Variants in OPHN1 observed in about 807,000 individuals in gnomAD.
OPHN1 encodes the protein oligophrenin-1.
In OPHN1, 11 loss-of-function variants were observed where a neutral mutation model predicts 60.7. That is an observed-to-expected ratio of 0.18 (90% CI 0.11 to 0.30). The LOEUF (loss-of-function observed/expected upper bound fraction) is 0.30, where lower values mean the gene tolerates loss of function less well. OPHN1 is among the 10% of genes least tolerant of loss of function. OPHN1 has a pLI of 1.00. For missense variants in OPHN1, 449 were observed against 611.0 expected (o/e 0.73, Z 2.80); for synonymous variants, 226 against 222.6 (o/e 1.02, Z -0.14).
In OPHN1 at chrX:68,191,534, G is replaced by A. The variant is rs754988571; in HGVS notation, c.1276+1385C>T. ...TAACTGGTATCAGACTTGCCTTCCT[G>A]CTGTAACAACTAGAAAACTGGACAG... is the stretch of plus-strand genomic sequence containing the variant. On this transcript the variant is annotated intron_variant, in intron 15 of 24. Coordinates refer to ENST00000355520, the MANE Select transcript of OPHN1 (RefSeq NM_002547.3). Among the ~76,000 whole-genome samples, 88 of 112,038 alleles carry A rather than the reference G, an allele frequency of 7.9e-4. No individual in the cohort carries two copies. In the Middle Eastern group the frequency reaches 0.018, roughly 23 times the overall value.
Position 68,064,163 on chromosome X carries a change from G to A in OPHN1, c.1849C>T (p.Gln617Ter). The change falls in exon 21 of 25, where the codon CAA (glutamine) becomes TAA (stop). Residue 617 changes from glutamine (Q) to a stop codon, truncating the protein, a stop_gained. Coordinates refer to ENST00000355520, the MANE Select transcript of OPHN1 (RefSeq NM_002547.3). LOFTEE classifies it high-confidence loss of function. ...CTGGTGATAGTACCATTCGGTGTTT[G>A]ATGTTGGATTTCATCTAGGAAAAGT... ...LDESEDEIQH[Q>*]TPNGTITSSI... 8.3e-7 allele frequency: 1 copy of A among 1,211,115 alleles called. No homozygotes were observed. The highest frequency in any genetic ancestry group is 1.8e-5 in the South Asian group (1 of 56,857).
intron 2 of OPHN1, among the ~76,000 whole-genome samples, chrX:68,333,297 C>G (rs55708667): frequency 0.081 from 8,735 of 108,348 alleles, 913 homozygotes; most frequent in African/African-American, 0.28. Flanking sequence ...ATGCAAATGT[C>G]ATATAATGTA....
rs377018400 is a variant in OPHN1, at chrX:68,067,670, G to A, written c.1835-3493C>T. On this transcript the variant is annotated intron_variant, in intron 20 of 24. Transcript: ENST00000355520. Reference sequence around the variant, plus strand: ...TGAGAAGGATCCAAACTAGAGCTGCGTCAGAAAAGAGAGGCAGATTCAAGA... The same window carrying A: ...TGAGAAGGATCCAAACTAGAGCTGCATCAGAAAAGAGAGGCAGATTCAAGA... Among the ~76,000 whole-genome samples the A allele has an allele frequency of 4.7e-4, 52 of 111,198 alleles. 1 individual carries two copies. The highest frequency in any genetic ancestry group is 1.6e-3 in the African/African-American group (49 of 30,570).
chrX:68,161,128 ATAACC>A (rs2077332534), intron 15 of OPHN1, among the ~76,000 whole-genome samples: 1 of 110,945 alleles, frequency 9.0e-6, no homozygotes, highest in Admixed American at 9.7e-5. Context: ...ACTCAATTAG[ATAACC>A]TAGATAATAT....
In OPHN1 at chrX:68,397,545, CAG is replaced by C. The variant is rs1183430431; in HGVS notation, c.154+35320_154+35321del. Among the ~76,000 whole-genome samples the C allele has an allele frequency of 1.5e-3, 106 of 71,296 alleles. 2 individuals carry two copies. The highest frequency in any genetic ancestry group is 5.5e-3 in the African/African-American group (104 of 18,810). The allele number at this position is 71,296 out of a possible 115,157, so 61.9% of individuals were successfully genotyped here. ...ATTTATTTTTTTTTTTTTTTTGAAA[CAG>C]AGTCTCACTCTGTTGCCCCAGTTGG... On this transcript the variant is annotated intron_variant, in intron 2 of 24. Coordinates refer to ENST00000355520, the MANE Select transcript of OPHN1 (RefSeq NM_002547.3).
At chrX:68,155,529 T>C (rs774469457) in intron 15 of OPHN1, among the ~76,000 whole-genome samples, 7 of 112,238 alleles carry the variant, frequency 6.2e-5, no homozygotes, top group Admixed American at 2.8e-4. Context: ...ACCCTAGCCA[T>C]GTGGATCTGT....
At position 68,205,973 on chromosome X, in the gene OPHN1, T is replaced by TGA. The variant is rs1261091804; in HGVS notation, c.933+599_933+600insTC. Among the ~76,000 whole-genome samples, 65 of 52,151 alleles carry TGA rather than the reference T, an allele frequency of 1.2e-3. 1 individual carries two copies. The highest frequency in any genetic ancestry group is 4.1e-3 in the African/African-American group (59 of 14,430). 45.3% of individuals were successfully genotyped at this position (52,151 alleles called of 115,157 possible). ...ATGTGTGTATCTGTGTGTGTGAGTGTGTGTGAGTGTGTGTGTGTGTGTGTG... is the reference window on the plus strand; with the variant it reads ...ATGTGTGTATCTGTGTGTGTGAGTGTGAGTGTGAGTGTGTGTGTGTGTGTGTG... On this transcript the variant is annotated intron_variant, in intron 10 of 24. Transcript: ENST00000355520.
At chrX:68,361,701 T>C (rs2078473769) in intron 2 of OPHN1, among the ~76,000 whole-genome samples, 1 of 111,213 alleles carries the variant, frequency 9.0e-6, no homozygotes, top group Non-Finnish European at 1.9e-5. Flanking sequence ...TATTGGCTAT[T>C]GTGAATGATG....
chrX:68,290,043 C>CT (rs1292754699), intron 3 of OPHN1, among the ~76,000 whole-genome samples: 124 of 106,816 alleles, frequency 1.2e-3, no homozygotes, highest in Non-Finnish European at 1.7e-3. Context: ...ATAATTGATT[C>CT]TTTTTTTTTT....
intron 9 of OPHN1, among the ~76,000 whole-genome samples, chrX:68,206,977 C>T (rs1027906957): frequency 1.8e-5 from 2 of 111,287 alleles, no homozygotes; most frequent in Non-Finnish European, 3.8e-5. Context: ...ATTTACTTTG[C>T]TGTCTCTATA....
intron 2 of OPHN1, among the ~76,000 whole-genome samples, chrX:68,424,863 C>T (rs1389234179): frequency 8.9e-6 from 1 of 111,996 alleles, no homozygotes; most frequent in Admixed American, 9.5e-5. Context: ...GGAATCTGGT[C>T]TTGTGAGGAA....
intron 5 of OPHN1, among the ~76,000 whole-genome samples, chrX:68,263,810 C>T (rs1007998569): frequency 3.5e-4 from 39 of 111,576 alleles, no homozygotes; most frequent in Non-Finnish European, 7.0e-4. Flanking sequence ...TTAGTAGTCA[C>T]ATTTCAAAAA....
At chrX:68,297,761 C>A (rs974282186) in intron 3 of OPHN1, among the ~76,000 whole-genome samples, 2 of 110,868 alleles carry the variant, frequency 1.8e-5, no homozygotes, top group African/African-American at 6.5e-5. Context: ...CAAGGCCATA[C>A]AAACCACCCA....
At chrX:68,402,854 GGAGATACCATCTTTCTCTCC>G (rs375144395) in intron 2 of OPHN1, among the ~76,000 whole-genome samples, 49 of 111,858 alleles carry the variant, frequency 4.4e-4, no homozygotes, top group African/African-American at 1.5e-3. Flanking sequence ...TAAACTCTAG[GGAGATACCATCTTTCTCTCC>G]GAGAAAAACA....
At chrX:68,146,240 ATGGC>A (rs1265632352) in intron 15 of OPHN1, among the ~76,000 whole-genome samples, 1 of 112,097 alleles carries the variant, frequency 8.9e-6, no homozygotes, top group Non-Finnish European at 1.9e-5. Context: ...TTTTTAAGAC[ATGGC>A]TGCCCTCTTT....
At chrX:68,123,969 C>A (rs2077159833) in intron 15 of OPHN1, among the ~76,000 whole-genome samples, 1 of 109,320 alleles carries the variant, frequency 9.1e-6, no homozygotes, top group Non-Finnish European at 1.9e-5. Context: ...AAAAATAGAT[C>A]AAATGACTCT....
intron 5 of OPHN1, among the ~76,000 whole-genome samples, chrX:68,269,857 T>A (rs1405620495): frequency 4.5e-5 from 5 of 111,409 alleles, no homozygotes; most frequent in African/African-American, 9.8e-5. Flanking sequence ...AGGGCTAATA[T>A]CCAGAATCTA....
At chrX:68,109,177 C>A (rs2077093862) in intron 18 of OPHN1, among the ~76,000 whole-genome samples, 4 of 111,037 alleles carry the variant, frequency 3.6e-5, no homozygotes, top group Admixed American at 1.9e-4. Context: ...ACTTCTCATA[C>A]CCCCACTTCC....
In OPHN1 at chrX:68,199,798, C is replaced by T. The variant is rs186997600; in HGVS notation, c.1025+1821G>A. Among the ~76,000 whole-genome samples the T allele has an allele frequency of 1.5e-4, 17 of 112,919 alleles. No homozygotes were observed. The East Asian group carries it at 3.3e-3, about 22-fold the overall frequency. Reference sequence around the variant, plus strand: ...GCATGGAGCCAGGCATAGTGGCTCACGCCTATAATCCCAGCACTCTGGGAG... The same window carrying T: ...GCATGGAGCCAGGCATAGTGGCTCATGCCTATAATCCCAGCACTCTGGGAG... On this transcript the variant is annotated intron_variant, in intron 11 of 24. Transcript: ENST00000355520.
Sources: gnomAD v4.1 joint callset for allele counts (sites outside exome capture counted in the v4.1 genomes callset) on GRCh38, gnomAD v4.1.1 for gene constraint, MANE v1.5 for transcripts, NCBI Gene and HGNC (gene_info 2026-07-23, HGNC 2026-07-21) for gene names.